HDX: variants seen among roughly 807,000 people sequenced by gnomAD.
The protein encoded by HDX is chromosome X open reading frame 43.
A neutral mutation model predicts 45.2 loss-of-function variants in HDX; 19 were observed. That is an observed-to-expected ratio of 0.42 (90% confidence interval 0.29 to 0.62). The LOEUF (loss-of-function observed/expected upper bound fraction) is 0.62, where lower values mean the gene tolerates loss of function less well. Among genes scored for constraint, HDX ranks in the 20% least tolerant of loss-of-function variants. The pLI is 0.20. For missense variants in HDX, 532 were observed against 493.9 expected (o/e 1.08, Z -0.73); for synonymous variants, 188 against 172.8 (o/e 1.09, Z -0.69).
chrX:84,425,718 C>T (rs909438644), intron 5 of HDX, among the ~76,000 whole-genome samples: 6 of 111,112 alleles, frequency 5.4e-5, no homozygotes, highest in African/African-American at 2.0e-4. Context: ...AGGCTAACAT[C>T]ACATGTTTTC....
chrX:84,409,471 C>G (rs1438581897), intron 5 of HDX, among the ~76,000 whole-genome samples: 2 of 109,958 alleles, frequency 1.8e-5, no homozygotes, highest in Admixed American at 9.7e-5. Context: ...TTGGAACCAA[C>G]CCAAATGTCT....
chrX:84,456,555 G>T (rs1340182546), intron 4 of HDX, among the ~76,000 whole-genome samples: 9 of 110,802 alleles, frequency 8.1e-5, no homozygotes, highest in Admixed American at 6.7e-4. Flanking sequence ...AAATGTAAAT[G>T]GACTAAACTC....
intron 10 of HDX, among the ~76,000 whole-genome samples, chrX:84,325,902 C>A (rs1224913189): frequency 9.0e-6 from 1 of 111,395 alleles, no homozygotes; most frequent in Non-Finnish European, 1.9e-5. Flanking sequence ...TCAGAAATTT[C>A]TTTGAAATTA....
At chrX:84,378,616 C>T (rs2038114643) in intron 5 of HDX, among the ~76,000 whole-genome samples, 1 of 110,766 alleles carries the variant, frequency 9.0e-6, no homozygotes. Context: ...TACTTGCAAG[C>T]CTCATGATAA....
chrX:84,388,505 T>G (rs2038370792), intron 5 of HDX, among the ~76,000 whole-genome samples: 1 of 112,030 alleles, frequency 8.9e-6, no homozygotes, highest in Non-Finnish European at 1.9e-5. Flanking sequence ...TTCTTAATTC[T>G]TTTTCTCTTT....
chrX:84,366,417 T>G (rs775219721), intron 5 of HDX, among the ~76,000 whole-genome samples: 1 of 111,637 alleles, frequency 9.0e-6, no homozygotes, highest in South Asian at 3.8e-4. Flanking sequence ...CCAAAGTAAT[T>G]TATAGACTCA....
chrX:84,420,041 T>G (rs1262232290), intron 5 of HDX, among the ~76,000 whole-genome samples: 1 of 111,298 alleles, frequency 9.0e-6, no homozygotes, highest in East Asian at 2.8e-4. Flanking sequence ...CAGCTACAAA[T>G]AAGCCCAGAG....
At chrX:84,358,584 A>G (rs1230485840) in intron 6 of HDX, among the ~76,000 whole-genome samples, 1 of 112,124 alleles carries the variant, frequency 8.9e-6, no homozygotes, top group Non-Finnish European at 1.9e-5. Context: ...CAGCATGCTC[A>G]ACAAACACAG....
chrX:84,388,502 T>A (rs759637568), intron 5 of HDX, among the ~76,000 whole-genome samples: 1 of 112,094 alleles, frequency 8.9e-6, no homozygotes, highest in East Asian at 2.8e-4. Flanking sequence ...TTTTTCTTAA[T>A]TCTTTTTCTC....
At position 84,468,935 on chromosome X, in the gene HDX, C is replaced by G; in HGVS notation, c.788G>C (p.Arg263Pro). The G allele has an allele frequency of 8.3e-7, 1 of 1,211,664 alleles. No homozygotes were observed. Among genetic ancestry groups the G allele is most frequent in the South Asian group, 1.8e-5 (1 of 56,970 alleles). The part of the protein sequence containing the change: ...PYCRTQNLEI[R>P]EVFSLAVSDY... ...GCTAACTGCCAATGAAAACACTTCA[C>G]GGATTTCCAAGTTTTGTGTTCTACA... Residue 263 changes from arginine (R) to proline (P), a missense_variant, in exon 4 of 11, where the codon CGT becomes CCT. By Grantham distance (103) the Arg-to-Pro change is moderately radical. Transcript: ENST00000373177.
Position 84,468,975 on chromosome X carries a change from T to A in HDX, c.748A>T (p.Ile250Phe), listed in dbSNP as rs1175850160. The A allele has an allele frequency of 5.8e-6, 7 of 1,210,220 alleles. No individual in the cohort carries two copies. The highest frequency in any genetic ancestry group is 5.6e-6 in the Non-Finnish European group (5 of 895,334). The change falls in exon 4 of 11, where the codon ATT becomes TTT. Residue 250 changes from isoleucine to phenylalanine, a missense_variant. Coordinates refer to ENST00000373177, the MANE Select transcript of HDX (RefSeq NM_001177479.2). ...TGTGTTCTACAGTAAGGGTCTCTAA[T>A]AGTTGGCTTTTGCCCACATAAGTTA... is the stretch of plus-strand genomic sequence containing the variant. ...LHNLCGQKPT[I>F]RDPYCRTQNL... is the part of the protein sequence containing the mutation.
chrX:84,422,421 C>T (rs895786251), intron 5 of HDX, among the ~76,000 whole-genome samples: 1 of 110,515 alleles, frequency 9.0e-6, no homozygotes, highest in Non-Finnish European at 1.9e-5. Flanking sequence ...GAAAAAAAAT[C>T]TTCAAACAAC....
At chrX:84,478,854 G>C (rs2040610450) in intron 2 of HDX, among the ~76,000 whole-genome samples, 1 of 111,129 alleles carries the variant, frequency 9.0e-6, no homozygotes, top group South Asian at 3.8e-4. Context: ...ACAAAACCCT[G>C]TCTCTAAATA....
At chrX:84,324,410 T>G (rs2036665593) in intron 10 of HDX, among the ~76,000 whole-genome samples, 1 of 111,735 alleles carries the variant, frequency 8.9e-6, no homozygotes, top group Admixed American at 9.5e-5. Flanking sequence ...AGATAACTTT[T>G]TTGGACTACT....
At chrX:84,322,656 C>A (rs181010808) in intron 10 of HDX, among the ~76,000 whole-genome samples, 16 of 110,712 alleles carry the variant, frequency 1.4e-4, no homozygotes, top group Admixed American at 1.4e-3. Flanking sequence ...CTACTCATTT[C>A]TCTGCTTGAG....
At chrX:84,483,087 T>A (rs2040721813) in intron 2 of HDX, among the ~76,000 whole-genome samples, 1 of 111,545 alleles carries the variant, frequency 9.0e-6, no homozygotes, top group Non-Finnish European at 1.9e-5. Flanking sequence ...CAGCTCCAAC[T>A]TTGTGGCTTT....
At chrX:84,387,473 C>T (rs140838567) in intron 5 of HDX, among the ~76,000 whole-genome samples, 1 of 111,261 alleles carries the variant, frequency 9.0e-6, no homozygotes, top group African/African-American at 3.3e-5. Flanking sequence ...TTTTGTAGGC[C>T]GAGAAGACCT....
intron 4 of HDX, among the ~76,000 whole-genome samples, chrX:84,442,596 T>A (rs1286846910): frequency 9.0e-6 from 1 of 111,503 alleles, no homozygotes; most frequent in African/African-American, 3.2e-5. Flanking sequence ...AGGAAATTTA[T>A]TCTCAAAAAT....
chrX:84,360,198 T>G (rs2147846149), intron 6 of HDX, among the ~76,000 whole-genome samples: 1 of 111,585 alleles, frequency 9.0e-6, no homozygotes, highest in South Asian at 3.7e-4. Flanking sequence ...TCACTAATCT[T>G]TAGAGAAATG....
Sources: gnomAD v4.1 joint callset for allele counts (sites outside exome capture counted in the v4.1 genomes callset) on GRCh38, gnomAD v4.1.1 for gene constraint, MANE v1.5 for transcripts, NCBI Gene and HGNC (gene_info 2026-07-23, HGNC 2026-07-21) for gene names.